Variants in KCNN3 observed in about 807,000 individuals in gnomAD.
KCNN3 encodes the protein potassium calcium-activated channel subfamily N member 3.
Under a neutral mutation model 62.9 loss-of-function variants are expected in KCNN3, and 16 were observed. The observed-to-expected ratio is 0.25, with a 90% CI of 0.17 to 0.39. The LOEUF is 0.39. Among genes scored for constraint, KCNN3 ranks in the 10% least tolerant of loss-of-function variants. The pLI is 1.00. For synonymous variants in KCNN3, 370 were observed against 389.2 expected (o/e 0.95, Z 0.58); for missense variants, 599 against 949.4 (o/e 0.63, Z 4.85).
chr1:154,840,507 C>A (rs1261156890), intron 1 of KCNN3, among the ~76,000 whole-genome samples: 2 of 152,214 alleles, frequency 1.3e-5, no homozygotes, highest in East Asian at 3.9e-4. Context: ...CCGCTTCTCA[C>A]TTTCCTCTCA....
chr1:154,714,956 A>G lies in KCNN3; in HGVS notation c.1749T>C (p.Tyr583=). The change falls in exon 6 of 8, where the codon TAT becomes TAC. Residue 583 remains tyrosine (Y), a synonymous_variant. Coordinates refer to ENST00000271915, the MANE Select transcript of KCNN3 (RefSeq NM_002249.6). The part of the protein sequence containing the change: ...ANVLRETWLI[Y]KHTKLLKKID... ...TCTTCTTTAGCAGCTTTGTGTGTTT[A>G]TAGATTAACCATGTTTCCCGAAGGA... 6.2e-7 allele frequency: 1 copy of G among 1,613,742 alleles called. No individual in the cohort carries two copies. Among genetic ancestry groups the G allele is most frequent in the South Asian group, 1.1e-5 (1 of 91,078 alleles).
intron 2 of KCNN3, among the ~76,000 whole-genome samples, chr1:154,813,697 C>T (rs1245254415): frequency 1.3e-5 from 2 of 152,184 alleles, no homozygotes; most frequent in Non-Finnish European, 2.9e-5. Flanking sequence ...GGGCTTTTCA[C>T]ACCTGTTAAT....
rs911368111 is a variant in KCNN3 at position 154,704,029 on chromosome 1, T to A, written c.*3947A>T. On this transcript the variant is annotated 3_prime_UTR_variant, in exon 8 of 8. Transcript: ENST00000271915. Reference sequence around the variant, plus strand: ...GACTAGGTTTCTTCTTTTCCATGATTGTTTATTCACAAGGAAATTATAAAA... The same window carrying A: ...GACTAGGTTTCTTCTTTTCCATGATAGTTTATTCACAAGGAAATTATAAAA... 6.6e-6 allele frequency: 1 copy of A among 152,260 alleles called. No homozygotes were observed. Among genetic ancestry groups the A allele is most frequent in the Admixed American group, 6.5e-5 (1 of 15,290 alleles). The allele number at this position is 152,260 out of a possible 1,614,324, so 9.4% of individuals were successfully genotyped here. A position where few individuals can be genotyped will look rare whatever the true frequency, so the allele number is the denominator to read the frequency against.
At chr1:154,758,806 T>TTGTTTTTGTTTC (rs1647862884) in intron 3 of KCNN3, among the ~76,000 whole-genome samples, 1 of 150,132 alleles carries the variant, frequency 6.7e-6, no homozygotes, top group Non-Finnish European at 1.5e-5. Context: ...GTTTTTGTTT[T>TTGTTTTTGTTTC]TGTTTTTGTT....
In KCNN3 at chr1:154,772,144, T is replaced by G. The variant is rs763697141; in HGVS notation, c.1279A>C (p.Lys427Gln). 1 of 1,614,194 alleles carries G rather than the reference T, an allele frequency of 6.2e-7. No homozygotes were observed. The highest frequency in any genetic ancestry group is 1.1e-5 in the South Asian group (1 of 91,082). Residue 427 changes from lysine to glutamine, a missense_variant, in exon 3 of 8, where the codon AAG becomes CAG. Coordinates refer to ENST00000271915, the MANE Select transcript of KCNN3 (RefSeq NM_002249.6). The surrounding 1 kb of genome is among the most constrained non-coding windows in gnomAD (Gnocchi z 5.6). ...CGGGACGAGGCATCGGTGAAGAGCT[T>G]GCTGTGCAGCAGCATGACTCGGGCG... ...LIARVMLLHS[K>Q]LFTDASSRSI...
At chr1:154,843,371 A>G (rs1651915005) in intron 1 of KCNN3, among the ~76,000 whole-genome samples, 1 of 152,112 alleles carries the variant, frequency 6.6e-6, no homozygotes, top group African/African-American at 2.4e-5. Flanking sequence ...TCAGCTTGAG[A>G]GCCCACATCC....
chr1:154,814,793 C>A (rs1650588666), intron 2 of KCNN3, among the ~76,000 whole-genome samples: 1 of 152,220 alleles, frequency 6.6e-6, no homozygotes. Flanking sequence ...TGTAGCTCCT[C>A]TCTCTATTTC....
At position 154,713,549 on chromosome 1, in the gene KCNN3, G is replaced by A; in HGVS notation, c.1830-16C>T. The A allele has an allele frequency of 6.2e-7, 1 of 1,609,862 alleles. No homozygotes were observed. The highest frequency in any genetic ancestry group is 8.5e-7 in the Non-Finnish European group (1 of 1,176,442). On this transcript the variant is annotated splice_polypyrimidine_tract_variant and intron_variant, in intron 6 of 7. Coordinates refer to ENST00000271915, the MANE Select transcript of KCNN3 (RefSeq NM_002249.6). ...GCTCCTCAACCTGTGGGGAAGAATGGTAACAGGCAAGCCCTTCAAGTCCAT... is the reference window on the plus strand; with the variant it reads ...GCTCCTCAACCTGTGGGGAAGAATGATAACAGGCAAGCCCTTCAAGTCCAT...
At chr1:154,777,416 C>T (rs1198031919) in intron 2 of KCNN3, among the ~76,000 whole-genome samples, 1 of 152,102 alleles carries the variant, frequency 6.6e-6, no homozygotes, top group Non-Finnish European at 1.5e-5. Context: ...GGACAGATTG[C>T]CTGTGGCCCT....
rs932960334 is a variant in KCNN3 at position 154,726,934 on chromosome 1, T to C, written c.1591-908A>G. On this transcript the variant is annotated intron_variant, in intron 4 of 7. Coordinates refer to ENST00000271915, the MANE Select transcript of KCNN3 (RefSeq NM_002249.6). ...ACTCACTTTCTCTCTCCTAATCCTC[T>C]GGGTGCATACTTGACTGTCTGGGAA... Among the ~76,000 whole-genome samples the C allele has an allele frequency of 5.3e-5, 8 of 152,330 alleles. No homozygotes were observed. The East Asian group carries it at 1.5e-3, about 29-fold the overall frequency.
chr1:154,732,320 C>T (rs1455718034), intron 4 of KCNN3, among the ~76,000 whole-genome samples: 1 of 152,196 alleles, frequency 6.6e-6, no homozygotes, highest in African/African-American at 2.4e-5. Context: ...GGTGGTAGGG[C>T]ACTGGGCAGG....
Position 154,862,909 on chromosome 1 carries a change from G to T in KCNN3, c.933+6123C>A, listed in dbSNP as rs566745084. On this transcript the variant is annotated intron_variant, in intron 1 of 7. Coordinates refer to ENST00000271915, the MANE Select transcript of KCNN3 (RefSeq NM_002249.6). This position sits in a 1 kb window ranked among gnomAD's most constrained non-coding sequence, Gnocchi z 4.1. ...ATGGGCAGCAGCAGGCAAGGGAAAG[G>T]GCATGAACTTGGGAGCTAAACGGGC... 5.3e-5 allele frequency among the ~76,000 whole-genome samples: 8 copies of T among 152,304 alleles called. No individual in the cohort carries two copies. In the East Asian group the frequency reaches 9.6e-4, roughly 18 times the overall value.
intron 1 of KCNN3, among the ~76,000 whole-genome samples, chr1:154,833,206 G>T (rs774485919): frequency 2.2e-4 from 34 of 152,134 alleles, no homozygotes; most frequent in Non-Finnish European, 4.4e-4. Flanking sequence ...CCCACCTGAT[G>T]CTCAGAGGCA....
rs1571341841 is a variant in KCNN3, at chr1:154,854,971, A to AT, written c.933+14060_933+14061insA. 5.3e-5 allele frequency among the ~76,000 whole-genome samples: 8 copies of AT among 152,336 alleles called. No homozygotes were observed. In the East Asian group the frequency reaches 1.4e-3, roughly 26 times the overall value. ...AGTGGCTCATGCCTGTCATCCCAGC[A>AT]CTTTGAGAGGCCAAGGCGGGTGGAT... On this transcript the variant is annotated intron_variant, in intron 1 of 7. Transcript: ENST00000271915.
chr1:154,697,798 C>A lies in KCNN3; in HGVS notation c.*10178G>T, dbSNP rs183910907. The stretch of plus-strand genomic sequence containing the variant: ...AGTAGAACTGAAGCCTGTAAGTTTT[C>A]ATTCACTCCTAAAGTGTGCTGAGAA... On this transcript the variant is annotated 3_prime_UTR_variant, in exon 8 of 8. Transcript: ENST00000271915. 7.2e-5 allele frequency: 11 copies of A among 152,324 alleles called. No homozygotes were observed. The highest frequency in any genetic ancestry group is 7.2e-4 in the Admixed American group (11 of 15,296). The allele number at this position is 152,324 out of a possible 1,614,324, so 9.4% of individuals were successfully genotyped here. A position where few individuals can be genotyped will look rare whatever the true frequency, so the allele number is the denominator to read the frequency against.
At chr1:154,822,004 G>A (rs1650918180) in intron 2 of KCNN3, 85 bp downstream of exon 2, 2 of 953,922 alleles carry the variant, frequency 2.1e-6, no homozygotes, top group South Asian at 2.7e-5. Flanking sequence ...CTAAGGGAGT[G>A]GGTTTTGGGG....
At chr1:154,827,744 AACCGAGATCAC>A (rs1001463547) in intron 1 of KCNN3, among the ~76,000 whole-genome samples, 1 of 151,914 alleles carries the variant, frequency 6.6e-6, no homozygotes, top group African/African-American at 2.4e-5. Context: ...AGTTGCAGTG[AACCGAGATCAC>A]ACCACTGCAC....
intron 3 of KCNN3, among the ~76,000 whole-genome samples, chr1:154,734,030 C>G (rs1210318238): frequency 6.6e-6 from 1 of 152,178 alleles, no homozygotes; most frequent in Non-Finnish European, 1.5e-5. Flanking sequence ...GACCTTGACC[C>G]AAACACATGA....
At chr1:154,839,814 AAC>A (rs1437609988) in intron 1 of KCNN3, among the ~76,000 whole-genome samples, 1 of 152,172 alleles carries the variant, frequency 6.6e-6, no homozygotes, top group African/African-American at 2.4e-5. Flanking sequence ...CGCAGAGACA[AAC>A]ACAGACGGGA....
Sources: allele counts gnomAD v4.1 joint callset (sites outside exome capture counted in the v4.1 genomes callset), GRCh38; gene constraint gnomAD v4.1.1; non-coding constraint Gnocchi (gnomAD v3.1); transcripts MANE v1.5; gene names NCBI Gene and HGNC (gene_info 2026-07-23, HGNC 2026-07-21).